Variants in FGF12 observed in about 807,000 individuals in gnomAD.
FGF12 encodes the protein fibroblast growth factor 12B.
Under a neutral mutation model 23.6 loss-of-function variants are expected in FGF12, and 14 were observed. The observed-to-expected ratio is 0.59, with a 90% confidence interval of 0.39 to 0.93. FGF12 has a LOEUF of 0.93. Among genes scored for constraint, FGF12 ranks in the 40% least tolerant of loss-of-function variants. The pLI, the probability that FGF12 is intolerant of heterozygous loss-of-function variation, is 0.00. For missense variants in FGF12, 175 were observed against 217.8 expected (o/e 0.80, Z 1.24); for synonymous variants, 62 against 77.3 (o/e 0.80, Z 1.04).
chr3:192,185,087 C>G (rs1024371361), intron 4 of FGF12, among the ~76,000 whole-genome samples: 1 of 152,204 alleles, frequency 6.6e-6, no homozygotes, highest in Non-Finnish European at 1.5e-5. Flanking sequence ...TCTTAAAGAT[C>G]TAGTTCAAAT....
intron 2 of FGF12, among the ~76,000 whole-genome samples, chr3:192,431,214 G>A (rs1359803587): frequency 6.6e-6 from 1 of 152,108 alleles, no homozygotes; most frequent in East Asian, 1.9e-4. Flanking sequence ...AGATAAGCTC[G>A]CCCTACTTAC....
intron 5 of FGF12, among the ~76,000 whole-genome samples, chr3:192,159,054 T>A (rs1391115611): frequency 6.6e-6 from 1 of 152,152 alleles, no homozygotes; most frequent in Non-Finnish European, 1.5e-5. Context: ...CAAAGAACCC[T>A]ACCATGTAAC....
chr3:192,520,435 A>G (rs1724788858), intron 2 of FGF12, among the ~76,000 whole-genome samples: 1 of 152,336 alleles, frequency 6.6e-6, no homozygotes, highest in South Asian at 2.1e-4. Context: ...CTCCTGTGAG[A>G]AACACTTATT....
chr3:192,614,479 A>G (rs1714672006), intron 2 of FGF12, among the ~76,000 whole-genome samples: 1 of 151,958 alleles, frequency 6.6e-6, no homozygotes, highest in Admixed American at 6.6e-5. Flanking sequence ...CCATTTCAAG[A>G]AAAAAAGAAA....
At chr3:192,335,538 T>C in intron 3 of FGF12, 74 bp from the exon 4 acceptor site, 2 of 950,572 alleles carry the variant, frequency 2.1e-6, no homozygotes. Context: ...AATCATTCTT[T>C]TGAGAATTAA....
At chr3:192,529,946 T>C (rs954140423) in intron 2 of FGF12, among the ~76,000 whole-genome samples, 1 of 151,766 alleles carries the variant, frequency 6.6e-6, no homozygotes, top group Non-Finnish European at 1.5e-5. Context: ...GAAATGTTGT[T>C]ACACATATCT....
At chr3:192,491,520 C>T (rs940271416) in intron 2 of FGF12, among the ~76,000 whole-genome samples, 1 of 152,100 alleles carries the variant, frequency 6.6e-6, no homozygotes, top group Non-Finnish European at 1.5e-5. Context: ...TATTTACAAG[C>T]CTTCACTTGA....
At chr3:192,304,807 C>A (rs796760402) in intron 4 of FGF12, among the ~76,000 whole-genome samples, 7 of 152,288 alleles carry the variant, frequency 4.6e-5, no homozygotes, top group African/African-American at 1.7e-4. Flanking sequence ...ATACTCAGAA[C>A]TTTAGTAGAT....
At position 192,212,978 on chromosome 3, in the gene FGF12, C is replaced by T. The variant is rs926881057; in HGVS notation, c.229-42322G>A. On this transcript the variant is annotated intron_variant, in intron 4 of 5. Transcript: ENST00000445105. ...CTGCTCTTGTCAGAGCTATCTGTCT[C>T]GTGCCAGTCCCAGAAGTGCAATGGT... Among the ~76,000 whole-genome samples the T allele has an allele frequency of 8.5e-5, 13 of 152,288 alleles. No individual in the cohort carries two copies. In the East Asian group the frequency reaches 1.9e-3, roughly 23 times the overall value.
At chr3:192,264,188 T>C (rs796383160) in intron 4 of FGF12, among the ~76,000 whole-genome samples, 27 of 152,198 alleles carry the variant, frequency 1.8e-4, no homozygotes, top group African/African-American at 6.3e-4. Flanking sequence ...CATAACTATA[T>C]AGCACATCCA....
chr3:192,707,943 C>CATT (rs1337777051), intron 2 of FGF12, among the ~76,000 whole-genome samples: 2 of 151,532 alleles, frequency 1.3e-5, no homozygotes, highest in African/African-American at 2.4e-5. Context: ...GAATAGCATC[C>CATT]ATTATTATTA....
In FGF12 at chr3:192,469,698, C is replaced by T. The variant is rs78212171; in HGVS notation, c.14-109160G>A. Among the ~76,000 whole-genome samples the T allele has an allele frequency of 3.1e-3, 476 of 152,224 alleles. 3 individuals carry two copies. Among genetic ancestry groups the T allele is most frequent in the African/African-American group, 0.011 (464 of 41,522 alleles). On this transcript the variant is annotated intron_variant, in intron 2 of 5. Transcript: ENST00000445105. ...TCTATAAAGGAATGTGTGTAATAAC[C>T]GTCCCCACAATGTTTGTAGTTGTGG...
chr3:192,621,486 C>T (rs184804510), intron 2 of FGF12, among the ~76,000 whole-genome samples: 22 of 152,080 alleles, frequency 1.4e-4, no homozygotes, highest in East Asian at 1.4e-3. Context: ...AATATGGAGT[C>T]CCTCACTTTC....
chr3:192,362,085 T>C (rs1267752847), intron 2 of FGF12, among the ~76,000 whole-genome samples: 3 of 152,312 alleles, frequency 2.0e-5, no homozygotes, highest in East Asian at 3.9e-4. Flanking sequence ...TCTATTCACT[T>C]TGAGCACATT....
chr3:192,285,608 A>C (rs573482723), intron 4 of FGF12, among the ~76,000 whole-genome samples: 1 of 152,102 alleles, frequency 6.6e-6, no homozygotes, highest in South Asian at 2.1e-4. Flanking sequence ...TTAAATTCTG[A>C]AGCTCTCGTT....
intron 4 of FGF12, among the ~76,000 whole-genome samples, chr3:192,215,219 G>T (rs952453974): frequency 3.9e-5 from 6 of 152,258 alleles, no homozygotes; most frequent in Admixed American, 3.9e-4. Context: ...CGAAGGTGTT[G>T]ATATCATTTT....
intron 4 of FGF12, among the ~76,000 whole-genome samples, chr3:192,274,930 G>A (rs915194106): frequency 6.6e-6 from 1 of 152,054 alleles, no homozygotes; most frequent in Admixed American, 6.6e-5. Flanking sequence ...AAGAACCTAG[G>A]ACAGGTCCTT....
At chr3:192,148,501 T>C (rs1713852014) in intron 5 of FGF12, among the ~76,000 whole-genome samples, 1 of 152,104 alleles carries the variant, frequency 6.6e-6, no homozygotes, top group Admixed American at 6.5e-5. Context: ...TTGGGGGAGA[T>C]GAAAAAGTTC....
At chr3:192,471,783 T>C (rs1723180531) in intron 2 of FGF12, among the ~76,000 whole-genome samples, 1 of 152,232 alleles carries the variant, frequency 6.6e-6, no homozygotes, top group East Asian at 1.9e-4. Context: ...GAGGACCGAC[T>C]GTGGAACTGG....
Sources: gnomAD v4.1 joint callset for allele counts (sites outside exome capture counted in the v4.1 genomes callset) on GRCh38, gnomAD v4.1.1 for gene constraint, MANE v1.5 for transcripts, NCBI Gene and HGNC (gene_info 2026-07-23, HGNC 2026-07-21) for gene names.